The following GRB14 variants were observed in gnomAD, a reference collection of about 807,000 sequenced individuals.
The protein encoded by GRB14 is growth factor receptor-bound protein 14.
Under a neutral mutation model 69.1 loss-of-function variants are expected in GRB14, and 38 were observed. That is an observed-to-expected ratio of 0.55 (90% CI 0.42 to 0.72). The LOEUF (loss-of-function observed/expected upper bound fraction) is 0.72. GRB14 is among the 30% of genes least tolerant of loss of function. The pLI, the probability that GRB14 is intolerant of heterozygous loss-of-function variation, is 0.00. For synonymous variants in GRB14, 247 were observed against 241.3 expected, an observed-to-expected ratio of 1.02 and a Z score of -0.22; for missense variants, 666 against 666.1, an observed-to-expected ratio of 1.00 and a Z score of 0.00.
chr2:164,497,803 A>G (rs1686943034), intron 9 of GRB14, among the ~76,000 whole-genome samples: 1 of 152,160 alleles, frequency 6.6e-6, no homozygotes, highest in Non-Finnish European at 1.5e-5. Flanking sequence ...TTATCTTTTC[A>G]CGTTCTCTAG....
At chr2:164,502,138 G>A (rs1687070918) in intron 9 of GRB14, 117 bp downstream of exon 9, 1 of 559,846 alleles carries the variant, frequency 1.8e-6, no homozygotes, top group South Asian at 2.9e-5. Flanking sequence ...GTGCCAAAGA[G>A]TTACTTTACC....
At chr2:164,519,850 A>G (rs1172982037) in intron 6 of GRB14, among the ~76,000 whole-genome samples, 1 of 152,150 alleles carries the variant, frequency 6.6e-6, no homozygotes, top group Non-Finnish European at 1.5e-5. Flanking sequence ...AACATTGCTG[A>G]AAGAAAACAT....
intron 2 of GRB14, among the ~76,000 whole-genome samples, chr2:164,586,991 A>C (rs1245636895): frequency 3.3e-5 from 5 of 152,228 alleles, no homozygotes; most frequent in South Asian, 2.1e-4. Context: ...GCTGAATAAA[A>C]GACCGTAGGC....
chr2:164,492,984 T>C lies in GRB14; in HGVS notation c.*52A>G. 3.9e-6 allele frequency: 6 copies of C among 1,525,194 alleles called. No individual in the cohort carries two copies. The highest frequency in any genetic ancestry group is 1.4e-5 in the African/African-American group (1 of 71,796). 94.5% of individuals were successfully genotyped at this position (1,525,194 alleles called of 1,614,324 possible). A position where few individuals can be genotyped will look rare whatever the true frequency, so the allele number is the denominator to read the frequency against. On this transcript the variant is annotated 3_prime_UTR_variant, in exon 14 of 14. Coordinates refer to ENST00000263915, the MANE Select transcript of GRB14 (RefSeq NM_004490.3). ...CGCCCTTATTTATGGTCTTTTATTA[T>C]TTTTCTTGAGTCCTTTTCCTTCAAT...
intron 6 of GRB14, among the ~76,000 whole-genome samples, chr2:164,519,786 C>T (rs1339020875): frequency 6.6e-6 from 1 of 151,950 alleles, no homozygotes; most frequent in Non-Finnish European, 1.5e-5. Context: ...AAATAAAATA[C>T]TTAGGAATAT....
At chr2:164,541,732 C>CATAT (rs755973330) in intron 3 of GRB14, among the ~76,000 whole-genome samples, 1 of 151,444 alleles carries the variant, frequency 6.6e-6, no homozygotes, top group Non-Finnish European at 1.5e-5. Context: ...AACACACACA[C>CATAT]ATATATATAT....
At chr2:164,601,426 T>C (rs546281572) in intron 2 of GRB14, among the ~76,000 whole-genome samples, 1 of 152,272 alleles carries the variant, frequency 6.6e-6, no homozygotes, top group African/African-American at 2.4e-5. Context: ...GTTTTCACTA[T>C]ATAAACATCT....
At chr2:164,544,728 T>G (rs1688326119) in intron 3 of GRB14, among the ~76,000 whole-genome samples, 1 of 152,342 alleles carries the variant, frequency 6.6e-6, no homozygotes, top group African/African-American at 2.4e-5. Context: ...TCAGTTGCAC[T>G]ATTGTAGCTC....
chr2:164,524,267 T>C (rs913523114), intron 5 of GRB14, among the ~76,000 whole-genome samples: 5 of 152,056 alleles, frequency 3.3e-5, no homozygotes, highest in African/African-American at 1.2e-4. Context: ...ATAAAGACAT[T>C]GCTCAACATT....
rs1234939204 is a variant in GRB14 at position 164,522,115 on chromosome 2, C to T, written c.681G>A (p.Met227Ile). ...CAGGATATGTGCTTGAACTCAGAAA[C>T]ATCTGAAAGAAAATTTATATATTTT... ...GEISPTQILQ[M>I]FLSSSTYPEI... Residue 227 changes from methionine (M) to isoleucine (I), a missense_variant and splice_region_variant, in exon 6 of 14, where the codon ATG (methionine) becomes ATA (isoleucine). Physicochemically the swap from Met to Ile is conservative, Grantham distance 10. Coordinates refer to ENST00000263915, the MANE Select transcript of GRB14 (RefSeq NM_004490.3). 1.9e-6 allele frequency: 3 copies of T among 1,546,126 alleles called. No individual in the cohort carries two copies. The highest frequency in any genetic ancestry group is 1.9e-5 in the Admixed American group (1 of 51,896).
At chr2:164,558,546 T>G (rs1450239753) in intron 2 of GRB14, among the ~76,000 whole-genome samples, 1 of 152,206 alleles carries the variant, frequency 6.6e-6, no homozygotes, top group Non-Finnish European at 1.5e-5. Context: ...CTCTGAAGTT[T>G]CAGTGTTTTT....
chr2:164,497,567 A>T, intron 9 of GRB14, 77 bp from the exon 10 acceptor site: 3 of 1,000,794 alleles, frequency 3.0e-6, no homozygotes, highest in Non-Finnish European at 4.6e-6. Context: ...AGTGTTTTTC[A>T]ATTTCAGTGT....
chr2:164,547,906 G>T, intron 2 of GRB14, 90 bp from the exon 3 acceptor site: 1 of 706,166 alleles, frequency 1.4e-6, no homozygotes, highest in South Asian at 3.5e-5. Context: ...TATACAACAC[G>T]ATATTATGAG....
chr2:164,542,333 C>T (rs1377412710), intron 3 of GRB14, among the ~76,000 whole-genome samples: 1 of 152,132 alleles, frequency 6.6e-6, no homozygotes, highest in African/African-American at 2.4e-5. Flanking sequence ...TTCTGGACAA[C>T]AGCCTTGAGG....
intron 2 of GRB14, among the ~76,000 whole-genome samples, chr2:164,559,382 G>A (rs914772154): frequency 6.6e-6 from 1 of 151,818 alleles, no homozygotes; most frequent in Admixed American, 6.6e-5. Flanking sequence ...TGAGATTTTG[G>A]TGCACCCGTC....
intron 2 of GRB14, among the ~76,000 whole-genome samples, chr2:164,552,795 C>A (rs942831521): frequency 1.3e-5 from 2 of 152,138 alleles, no homozygotes; most frequent in Admixed American, 1.3e-4. Context: ...TCAGTATGTG[C>A]ATCTATACTA....
intron 2 of GRB14, among the ~76,000 whole-genome samples, chr2:164,592,897 T>TA (rs1185566054): frequency 5.9e-5 from 9 of 152,218 alleles, no homozygotes; most frequent in Admixed American, 5.2e-4. Context: ...TCCATGCCCT[T>TA]ACCTTTCTGA....
chr2:164,542,009 A>G (rs996119370), intron 3 of GRB14, among the ~76,000 whole-genome samples: 15 of 152,206 alleles, frequency 9.9e-5, no homozygotes, highest in African/African-American at 3.6e-4. Flanking sequence ...GAGGGGTCAC[A>G]TTACCCCACT....
intron 2 of GRB14, among the ~76,000 whole-genome samples, chr2:164,597,721 G>A (rs2105350041): frequency 6.6e-6 from 1 of 152,012 alleles, no homozygotes; most frequent in African/African-American, 2.4e-5. Context: ...AAAGGAGTGA[G>A]AGAGAGGAAG....
Sources: allele counts gnomAD v4.1 joint callset (sites outside exome capture counted in the v4.1 genomes callset), GRCh38; gene constraint gnomAD v4.1.1; transcripts MANE v1.5; gene names NCBI Gene and HGNC (gene_info 2026-07-23, HGNC 2026-07-21).